Variants in CDH7 observed in about 807,000 individuals in gnomAD.
CDH7 encodes cadherin 7.
A neutral mutation model predicts 71.8 loss-of-function variants in CDH7; 25 were observed. The ratio of observed to expected loss-of-function variants is 0.35; its 90% CI spans 0.25 to 0.49. CDH7 has a LOEUF of 0.49. Ranked by LOEUF, CDH7 falls within the 20% of genes least tolerant of loss-of-function variation. The pLI is 0.99. For synonymous variants in CDH7, 381 were observed against 363.8 expected (o/e 1.05, Z -0.54); for missense variants, 862 against 974.6 (o/e 0.88, Z 1.54).
chr18:65,850,191 A>G (rs1025374285), intron 7 of CDH7, among the ~76,000 whole-genome samples: 6 of 87,536 alleles, frequency 6.9e-5, no homozygotes. Flanking sequence ...TATATATAAA[A>G]TTAAATACTT....
chr18:65,880,090 A>G (rs1914176494), intron 11 of CDH7, among the ~76,000 whole-genome samples: 1 of 152,282 alleles, frequency 6.6e-6, no homozygotes, highest in South Asian at 2.1e-4. Context: ...CTTTGAAATG[A>G]TTATATTTAT....
chr18:65,830,532 T>TCC (rs1205380171), intron 6 of CDH7, among the ~76,000 whole-genome samples: 20 of 149,630 alleles, frequency 1.3e-4, no homozygotes, highest in Non-Finnish European at 1.8e-4. Context: ...CTTCCTTCCT[T>TCC]TCTTCCTCCC....
chr18:65,817,171 T>C (rs1911752152), intron 4 of CDH7, among the ~76,000 whole-genome samples: 1 of 152,282 alleles, frequency 6.6e-6, no homozygotes, highest in African/African-American at 2.4e-5. Flanking sequence ...TCATTTGTCA[T>C]TTAGGAGTTC....
Position 65,890,223 on chromosome 18 carries a change from T to C in CDH7, c.*9329T>C, listed in dbSNP as rs1184920247. The C allele has an allele frequency of 6.6e-6, 1 of 152,226 alleles. No homozygotes were observed. Among genetic ancestry groups the C allele is most frequent in the African/African-American group, 2.4e-5 (1 of 41,462 alleles). The allele number at this position is 152,226 out of a possible 1,614,324, so 9.4% of individuals were successfully genotyped here. ...CATTTAACCAATATTGTTATAAATT[T>C]ATGAAGCTTCAATTCTAGCAAAAAT... On this transcript the variant is annotated 3_prime_UTR_variant, in exon 12 of 12. Coordinates refer to ENST00000397968, the MANE Select transcript of CDH7 (RefSeq NM_004361.5).
chr18:65,793,075 G>A (rs370819647), intron 2 of CDH7, among the ~76,000 whole-genome samples: 2 of 152,068 alleles, frequency 1.3e-5, no homozygotes, highest in African/African-American at 4.8e-5. Context: ...GAGCATTTGT[G>A]TGCAGTGGGT....
chr18:65,825,780 T>A (rs1747379984), intron 6 of CDH7, among the ~76,000 whole-genome samples: 1 of 151,886 alleles, frequency 6.6e-6, no homozygotes, highest in Admixed American at 6.6e-5. Context: ...TGCAATTATT[T>A]CCAGTGGACA....
At chr18:65,779,231 C>G (rs888352082) in intron 2 of CDH7, among the ~76,000 whole-genome samples, 2 of 137,702 alleles carry the variant, frequency 1.5e-5, no homozygotes, top group African/African-American at 2.7e-5. Context: ...GAATTGGAAG[C>G]TGGAGCCATA....
intron 1 of CDH7, among the ~76,000 whole-genome samples, chr18:65,760,073 A>G (rs1396900700): frequency 2.0e-5 from 3 of 152,180 alleles, no homozygotes; most frequent in African/African-American, 4.8e-5. Context: ...TAACATTCCA[A>G]TGAAAACTAA....
At chr18:65,780,918 G>GTTTTT (rs35645871) in intron 2 of CDH7, among the ~76,000 whole-genome samples, 1 of 104,840 alleles carries the variant, frequency 9.5e-6, no homozygotes, top group Non-Finnish European at 2.0e-5. Flanking sequence ...CTCTATTCCT[G>GTTTTT]TTTTTTTTTT....
intron 1 of CDH7, among the ~76,000 whole-genome samples, chr18:65,756,933 G>A (rs1419025388): frequency 2.0e-5 from 3 of 152,174 alleles, no homozygotes; most frequent in Non-Finnish European, 4.4e-5. Flanking sequence ...GTGTGCAGTG[G>A]CTGAATATGA....
intron 4 of CDH7, among the ~76,000 whole-genome samples, chr18:65,817,581 T>G (rs1911765932): frequency 6.6e-6 from 1 of 152,150 alleles, no homozygotes; most frequent in South Asian, 2.1e-4. Flanking sequence ...AAATAGAAAC[T>G]CATTAGCAGA....
At chr18:65,869,112 C>T (rs1191699193) in intron 11 of CDH7, among the ~76,000 whole-genome samples, 2 of 152,092 alleles carry the variant, frequency 1.3e-5, no homozygotes, top group East Asian at 1.9e-4. Flanking sequence ...TCCGTCTTCT[C>T]GCTTGCATCC....
chr18:65,791,292 T>G (rs1910705112), intron 2 of CDH7, among the ~76,000 whole-genome samples: 1 of 152,246 alleles, frequency 6.6e-6, no homozygotes, highest in South Asian at 2.1e-4. Context: ...TGTGTATATT[T>G]TTACATACAA....
chr18:65,759,297 T>C (rs766964880), intron 1 of CDH7, among the ~76,000 whole-genome samples: 22 of 151,308 alleles, frequency 1.5e-4, no homozygotes, highest in Non-Finnish European at 2.9e-4. Flanking sequence ...CAGGCTAGAG[T>C]GCAGTGGTGC....
intron 2 of CDH7, among the ~76,000 whole-genome samples, chr18:65,784,825 G>A (rs1018604783): frequency 8.5e-5 from 13 of 152,098 alleles, no homozygotes; most frequent in African/African-American, 2.9e-4. Context: ...GAAGTTCTGC[G>A]TAGCATGTTT....
At chr18:65,801,629 C>T (rs1396640072) in intron 2 of CDH7, among the ~76,000 whole-genome samples, 1 of 152,192 alleles carries the variant, frequency 6.6e-6, no homozygotes, top group African/African-American at 2.4e-5. Context: ...CTCTTCTTGG[C>T]TAGCTCCTTT....
chr18:65,813,471 G>A (rs1050815192), intron 3 of CDH7, among the ~76,000 whole-genome samples: 1 of 152,136 alleles, frequency 6.6e-6, no homozygotes, highest in Non-Finnish European at 1.5e-5. Context: ...TGGATTTATA[G>A]CAAAATGGGC....
intron 7 of CDH7, among the ~76,000 whole-genome samples, chr18:65,845,762 A>G (rs1912913688): frequency 6.6e-6 from 1 of 152,054 alleles, no homozygotes; most frequent in Non-Finnish European, 1.5e-5. Flanking sequence ...ATTTACTACT[A>G]AAATGAATGA....
intron 2 of CDH7, among the ~76,000 whole-genome samples, chr18:65,805,760 A>G (rs575001435): frequency 1.3e-5 from 2 of 152,350 alleles, no homozygotes; most frequent in Admixed American, 1.3e-4. Context: ...CAAATATGAG[A>G]TATTATGATA....
Sources: gnomAD v4.1 joint callset for allele counts (sites outside exome capture counted in the v4.1 genomes callset) on GRCh38, gnomAD v4.1.1 for gene constraint, MANE v1.5 for transcripts, NCBI Gene and HGNC (gene_info 2026-07-23, HGNC 2026-07-21) for gene names.